The following CDK14 variants were observed in gnomAD, a reference collection of about 807,000 sequenced individuals.
CDK14 encodes cyclin dependent kinase 14, also known as cyclin-dependent kinase 14.
In CDK14, 34 loss-of-function variants were observed where a neutral mutation model predicts 60.7. That is an observed-to-expected ratio of 0.56 (90% CI 0.43 to 0.75). The LOEUF (loss-of-function observed/expected upper bound fraction) is 0.75. CDK14 is among the 30% of genes least tolerant of loss of function. The pLI, the probability that CDK14 is intolerant of heterozygous loss-of-function variation, is 0.00. For synonymous variants in CDK14, 197 were observed against 203.7 expected (o/e 0.97, Z 0.28); for missense variants, 482 against 564.1 (o/e 0.85, Z 1.47).
At chr7:90,695,829 T>C (rs1801643582) in intron 2 of CDK14, among the ~76,000 whole-genome samples, 1 of 152,110 alleles carries the variant, frequency 6.6e-6, no homozygotes, top group African/African-American at 2.4e-5. Context: ...TCATGGTGGC[T>C]GGAGTGGAAT....
At chr7:90,663,625 T>A (rs1800908578) in intron 2 of CDK14, among the ~76,000 whole-genome samples, 1 of 152,238 alleles carries the variant, frequency 6.6e-6, no homozygotes, top group Non-Finnish European at 1.5e-5. Context: ...TTCTATTTAG[T>A]GTCTCTCTCA....
At chr7:91,162,511 G>A (rs531019326) in intron 14 of CDK14, among the ~76,000 whole-genome samples, 1 of 152,142 alleles carries the variant, frequency 6.6e-6, no homozygotes, top group East Asian at 1.9e-4. Flanking sequence ...GGGAAGGTTA[G>A]GGGAGGGAGA....
rs530258139 is a variant in CDK14, at chr7:90,968,229, A to T, written c.947+12412A>T. Among the ~76,000 whole-genome samples, 66 of 152,312 alleles carry T rather than the reference A, an allele frequency of 4.3e-4. No individual in the cohort carries two copies. In the South Asian group the frequency reaches 0.012, roughly 28 times the overall value. ...GTTTTTAAAAAAAATTTATTCTTCA[A>T]ATGTTGTATCCTTAGATTCCTGTTG... On this transcript the variant is annotated intron_variant, in intron 9 of 14. Coordinates refer to ENST00000380050, the MANE Select transcript of CDK14 (RefSeq NM_001287135.2).
intron 5 of CDK14, among the ~76,000 whole-genome samples, chr7:90,856,269 T>G (rs1411447936): frequency 1.3e-5 from 2 of 152,226 alleles, no homozygotes; most frequent in African/African-American, 2.4e-5. Context: ...GGCTATGACC[T>G]CTTTCCTCCA....
At chr7:90,656,276 C>A (rs1584773320) in intron 2 of CDK14, among the ~76,000 whole-genome samples, 2 of 152,102 alleles carry the variant, frequency 1.3e-5, no homozygotes, top group Non-Finnish European at 2.9e-5. Flanking sequence ...TAAATTTGGA[C>A]TCATTATTAT....
At chr7:90,760,713 G>C (rs137899435) in intron 4 of CDK14, among the ~76,000 whole-genome samples, 8 of 152,300 alleles carry the variant, frequency 5.3e-5, no homozygotes, top group African/African-American at 1.9e-4. Context: ...TACAATCAGT[G>C]TTAGTTTTAT....
intron 14 of CDK14, among the ~76,000 whole-genome samples, chr7:91,166,335 G>C (rs1801345681): frequency 6.6e-6 from 1 of 152,106 alleles, no homozygotes. Flanking sequence ...TGACCTAGTT[G>C]AACATAAATA....
chr7:91,156,149 A>G (rs766325561), intron 14 of CDK14, among the ~76,000 whole-genome samples: 1 of 152,146 alleles, frequency 6.6e-6, no homozygotes, highest in Non-Finnish European at 1.5e-5. Flanking sequence ...CCTCTCATTA[A>G]CTAGTTGCCC....
intron 7 of CDK14, 68 bp downstream of exon 7, chr7:90,899,421 C>T: frequency 8.5e-7 from 1 of 1,178,834 alleles, no homozygotes. Context: ...TGAAGTCTAG[C>T]ATCTCTACCA....
intron 2 of CDK14, among the ~76,000 whole-genome samples, chr7:90,711,074 G>C (rs951400233): frequency 6.6e-6 from 1 of 151,940 alleles, no homozygotes; most frequent in African/African-American, 2.4e-5. Flanking sequence ...TGTAGATGGT[G>C]AATGTTAAAA....
chr7:90,995,839 A>G (rs952374215), intron 10 of CDK14, among the ~76,000 whole-genome samples: 1 of 152,236 alleles, frequency 6.6e-6, no homozygotes, highest in Non-Finnish European at 1.5e-5. Flanking sequence ...AGGATTCTGA[A>G]TCCGAGTCTC....
chr7:90,698,485 G>A (rs1052456087), intron 2 of CDK14, among the ~76,000 whole-genome samples: 57 of 152,150 alleles, frequency 3.7e-4, no homozygotes, highest in African/African-American at 1.1e-3. Context: ...TATGCATCAT[G>A]GGTGAGTCAC....
intron 10 of CDK14, among the ~76,000 whole-genome samples, chr7:91,024,642 C>T (rs536578964): frequency 6.6e-6 from 1 of 152,196 alleles, no homozygotes; most frequent in East Asian, 1.9e-4. Context: ...TAGAGTGAGA[C>T]TCTGTCTCAA....
At chr7:91,191,843 T>C (rs1212650112) in intron 14 of CDK14, among the ~76,000 whole-genome samples, 2 of 152,062 alleles carry the variant, frequency 1.3e-5, no homozygotes, top group East Asian at 1.9e-4. Context: ...CAAAATTAAG[T>C]GGTATAAAAT....
chr7:90,789,812 A>G (rs1433647546), intron 4 of CDK14, among the ~76,000 whole-genome samples: 1 of 152,164 alleles, frequency 6.6e-6, no homozygotes, highest in African/African-American at 2.4e-5. Flanking sequence ...AAAATAGAAC[A>G]GTCAAGGAGG....
intron 5 of CDK14, among the ~76,000 whole-genome samples, chr7:90,813,271 C>A (rs1321499367): frequency 2.0e-5 from 3 of 152,166 alleles, no homozygotes; most frequent in Non-Finnish European, 4.4e-5. Flanking sequence ...CTGGGACGAG[C>A]TGGGAGCAAG....
intron 2 of CDK14, among the ~76,000 whole-genome samples, chr7:90,711,156 A>G (rs1224100622): frequency 1.3e-5 from 2 of 152,064 alleles, no homozygotes; most frequent in African/African-American, 4.8e-5. Context: ...TTTGTGACAT[A>G]AGTAAATTTA....
At chr7:91,193,248 G>A (rs748275408) in intron 14 of CDK14, among the ~76,000 whole-genome samples, 3 of 152,092 alleles carry the variant, frequency 2.0e-5, no homozygotes, top group Non-Finnish European at 4.4e-5. Flanking sequence ...GAATCTATGG[G>A]TCTATTAATG....
chr7:91,111,602 C>T (rs960422150), intron 12 of CDK14, among the ~76,000 whole-genome samples: 9 of 152,166 alleles, frequency 5.9e-5, no homozygotes, highest in African/African-American at 1.2e-4. Flanking sequence ...CCAAGTGATC[C>T]ACTGCCATCT....
Sources: allele counts gnomAD v4.1 joint callset (sites outside exome capture counted in the v4.1 genomes callset), GRCh38; gene constraint gnomAD v4.1.1; transcripts MANE v1.5; gene names NCBI Gene and HGNC (gene_info 2026-07-23, HGNC 2026-07-21).